USP12: variants seen among roughly 807,000 people sequenced by gnomAD.
USP12 encodes ubiquitin specific peptidase 12, also known as ubiquitin carboxyl-terminal hydrolase 12.
In USP12, 19 loss-of-function variants were observed where a neutral mutation model predicts 45.5. The ratio of observed to expected loss-of-function variants is 0.42; its 90% CI spans 0.29 to 0.61. The LOEUF is 0.61. Among genes scored for constraint, USP12 ranks in the 20% least tolerant of loss-of-function variants. The pLI is 0.22. For synonymous variants in USP12, 149 were observed against 148.8 expected (o/e 1.00, Z -0.01); for missense variants, 242 against 447.7 (o/e 0.54, Z 4.15).
chr13:27,082,918 C>T (rs1361523357), intron 6 of USP12, among the ~76,000 whole-genome samples: 9 of 152,224 alleles, frequency 5.9e-5, no homozygotes, highest in Admixed American at 1.3e-4. Flanking sequence ...TCACCGCAAC[C>T]TCCGCCTCCC....
intron 1 of USP12, among the ~76,000 whole-genome samples, chr13:27,151,471 C>T (rs1164409660): frequency 1.3e-5 from 2 of 152,032 alleles, no homozygotes; most frequent in Non-Finnish European, 2.9e-5. Flanking sequence ...AAACTTGTAT[C>T]CAGAATATAC....
intron 1 of USP12, among the ~76,000 whole-genome samples, chr13:27,152,343 T>C (rs1877607360): frequency 6.6e-6 from 1 of 152,166 alleles, no homozygotes; most frequent in Non-Finnish European, 1.5e-5. Context: ...AAATGAACCT[T>C]GAAAACACGC....
intron 3 of USP12, among the ~76,000 whole-genome samples, chr13:27,097,378 T>A (rs548890302): frequency 6.6e-6 from 1 of 152,146 alleles, no homozygotes; most frequent in African/African-American, 2.4e-5. Context: ...GGCAGAAGAA[T>A]CGCTTGAACC....
At chr13:27,138,274 A>T (rs1342062262) in intron 1 of USP12, among the ~76,000 whole-genome samples, 2 of 152,230 alleles carry the variant, frequency 1.3e-5, no homozygotes, top group East Asian at 3.8e-4. Flanking sequence ...AGGCTCAGGG[A>T]GCTGAGAGGC....
intron 4 of USP12, 109 bp downstream of exon 4, chr13:27,095,492 C>T: frequency 1.3e-6 from 1 of 791,934 alleles, no homozygotes; most frequent in Non-Finnish European, 1.9e-6. Flanking sequence ...AACTCCTATA[C>T]CTAAGAATTA....
intron 1 of USP12, among the ~76,000 whole-genome samples, chr13:27,133,753 C>A (rs1876642398): frequency 6.6e-6 from 1 of 152,106 alleles, no homozygotes; most frequent in Non-Finnish European, 1.5e-5. Flanking sequence ...CTAATAATCA[C>A]CAACAGTTTT....
rs1555234497 is a variant in USP12 at position 27,103,607 on chromosome 13, A to ATAATAATAAT, written c.343+2123_343+2124insATTATTATTA. Among the ~76,000 whole-genome samples, 601 of 128,504 alleles carry ATAATAATAAT rather than the reference A, an allele frequency of 4.7e-3. 3 individuals are homozygous for ATAATAATAAT. The highest frequency in any genetic ancestry group is 0.04 in the East Asian group (178 of 4,434). 84.3% of individuals were successfully genotyped at this position (128,504 alleles called of 152,430 possible). The stretch of plus-strand genomic sequence containing the variant: ...GTAACTATTGAACTATCAAAAAAAA[A>ATAATAATAAT]AATAATAATAATAATAATAATAAGG... On this transcript the variant is annotated intron_variant, in intron 3 of 8. Coordinates refer to ENST00000282344, the MANE Select transcript of USP12 (RefSeq NM_182488.4).
intron 7 of USP12, among the ~76,000 whole-genome samples, chr13:27,074,595 C>G (rs555004895): frequency 6.6e-6 from 1 of 152,186 alleles, no homozygotes; most frequent in South Asian, 2.1e-4. Context: ...GTTCCAAATA[C>G]AAGTTTTGAT....
intron 1 of USP12, among the ~76,000 whole-genome samples, chr13:27,162,150 G>A (rs1003178570): frequency 6.6e-6 from 1 of 152,308 alleles, no homozygotes; most frequent in East Asian, 1.9e-4. Context: ...GGGTGATGTT[G>A]ATATGTATTT....
intron 3 of USP12, among the ~76,000 whole-genome samples, chr13:27,102,009 TTTAATGAATGAA>T (rs1404405808): frequency 2.6e-5 from 2 of 75,820 alleles, no homozygotes; most frequent in African/African-American, 7.0e-5. Flanking sequence ...TTTCCCATTT[TTTAATGAATGAA>T]TGAATGAATG....
At chr13:27,099,909 T>C (rs1325960120) in intron 3 of USP12, among the ~76,000 whole-genome samples, 29 of 152,220 alleles carry the variant, frequency 1.9e-4, no homozygotes, top group Admixed American at 1.9e-3. Context: ...CGTACTAGCC[T>C]ACATGGACTT....
intron 6 of USP12, among the ~76,000 whole-genome samples, chr13:27,088,400 G>C: frequency 7.8e-6 from 1 of 127,792 alleles, no homozygotes; most frequent in East Asian, 2.3e-4. Flanking sequence ...CTGGGCGACA[G>C]AGCGAGACTC....
At chr13:27,082,832 G>A (rs1348683966) in intron 6 of USP12, among the ~76,000 whole-genome samples, 1 of 152,136 alleles carries the variant, frequency 6.6e-6, no homozygotes, top group African/African-American at 2.4e-5. Flanking sequence ...CAACATTTAA[G>A]TTCATCATCT....
chr13:27,102,166 T>G (rs542951029), intron 3 of USP12, among the ~76,000 whole-genome samples: 3 of 152,310 alleles, frequency 2.0e-5, no homozygotes, highest in African/African-American at 7.2e-5. Context: ...AGATGCCAGC[T>G]GATGTGGCCC....
At chr13:27,136,296 G>A (rs539034856) in intron 1 of USP12, among the ~76,000 whole-genome samples, 6 of 152,228 alleles carry the variant, frequency 3.9e-5, no homozygotes, top group African/African-American at 9.6e-5. Flanking sequence ...TCAGGAATTC[G>A]AGACCAGCCT....
At chr13:27,169,583 T>C (rs1878492734) in intron 1 of USP12, among the ~76,000 whole-genome samples, 1 of 152,160 alleles carries the variant, frequency 6.6e-6, no homozygotes, top group Non-Finnish European at 1.5e-5. Flanking sequence ...ATTTTCTGTA[T>C]TTGCCAACAA....
At chr13:27,089,048 T>A (rs971898754) in intron 6 of USP12, among the ~76,000 whole-genome samples, 5 of 152,222 alleles carry the variant, frequency 3.3e-5, no homozygotes, top group African/African-American at 1.2e-4. Flanking sequence ...AACTAACTTA[T>A]GATTATCAAA....
chr13:27,088,368 G>A (rs1226084081), intron 6 of USP12, among the ~76,000 whole-genome samples: 1 of 133,384 alleles, frequency 7.5e-6, no homozygotes, highest in African/African-American at 2.8e-5. Flanking sequence ...AGTGAGCCGA[G>A]ATCGCACCAC....
chr13:27,089,512 T>C (rs987934922), intron 6 of USP12: 3 of 173,224 alleles, frequency 1.7e-5, no homozygotes, highest in Non-Finnish European at 3.7e-5. Flanking sequence ...CAACATCCTA[T>C]GTAGGAAAAG....
Sources: gnomAD v4.1 joint callset for allele counts (sites outside exome capture counted in the v4.1 genomes callset) on GRCh38, gnomAD v4.1.1 for gene constraint, MANE v1.5 for transcripts, NCBI Gene and HGNC (gene_info 2026-07-23, HGNC 2026-07-21) for gene names.